The following CADPS2 variants were observed in gnomAD, a reference collection of about 807,000 sequenced individuals.
CADPS2 encodes calcium-dependent secretion activator 2.
Under a neutral mutation model 172.5 loss-of-function variants are expected in CADPS2, and 93 were observed. The ratio of observed to expected loss-of-function variants is 0.54; its 90% CI spans 0.46 to 0.64. The LOEUF is 0.64. Among genes scored for constraint, CADPS2 ranks in the 30% least tolerant of loss-of-function variants. CADPS2 has a pLI of 0.00. For missense variants in CADPS2, 1,420 were observed against 1,565.9 expected (o/e 0.91, Z 1.57); for synonymous variants, 546 against 555.2 (o/e 0.98, Z 0.23).
intron 28 of CADPS2, among the ~76,000 whole-genome samples, chr7:122,337,758 GAAAA>G (rs372572074): frequency 1.5e-5 from 2 of 134,480 alleles, no homozygotes; most frequent in African/African-American, 2.8e-5. Flanking sequence ...AAACTTTAAG[GAAAA>G]AAAAAAAAAA....
At chr7:122,424,721 G>A (rs182249567) in intron 17 of CADPS2, among the ~76,000 whole-genome samples, 32 of 152,280 alleles carry the variant, frequency 2.1e-4, no homozygotes, top group African/African-American at 7.5e-4. Context: ...CCCAATTTGA[G>A]TTTTATTAAA....
chr7:122,591,010 G>T (rs1039602388), intron 6 of CADPS2, among the ~76,000 whole-genome samples: 9 of 151,828 alleles, frequency 5.9e-5, no homozygotes, highest in African/African-American at 2.2e-4. Context: ...CATCATTGTT[G>T]TTGACATACT....
At chr7:122,441,381 G>A in intron 16 of CADPS2, 131 bp downstream of exon 16, 1 of 523,126 alleles carries the variant, frequency 1.9e-6, no homozygotes, top group East Asian at 3.2e-5. Flanking sequence ...AAGAAAAGGT[G>A]AGAAACTCAT....
intron 28 of CADPS2, among the ~76,000 whole-genome samples, chr7:122,329,851 T>C (rs978418443): frequency 2.6e-5 from 4 of 152,198 alleles, no homozygotes; most frequent in African/African-American, 7.2e-5. Flanking sequence ...ATAGGGTTTA[T>C]ATATCACGGC....
At chr7:122,477,440 C>G (rs1471470478) in intron 12 of CADPS2, among the ~76,000 whole-genome samples, 1 of 151,806 alleles carries the variant, frequency 6.6e-6, no homozygotes, top group South Asian at 2.1e-4. Flanking sequence ...TGCTTGAACC[C>G]AGGAGGCGAA....
At chr7:122,688,941 C>T (rs962814327) in intron 2 of CADPS2, among the ~76,000 whole-genome samples, 2 of 152,116 alleles carry the variant, frequency 1.3e-5, no homozygotes, top group African/African-American at 2.4e-5. Context: ...TACACACAGG[C>T]TTTATACATA....
At chr7:122,662,335 A>T (rs2080668867) in intron 3 of CADPS2, among the ~76,000 whole-genome samples, 2 of 152,054 alleles carry the variant, frequency 1.3e-5, no homozygotes, top group South Asian at 4.1e-4. Context: ...GGGTCTAAAA[A>T]ATGAAAAATG....
At chr7:122,473,344 A>T (rs148750000) in intron 13 of CADPS2, among the ~76,000 whole-genome samples, 1 of 152,122 alleles carries the variant, frequency 6.6e-6, no homozygotes, top group Non-Finnish European at 1.5e-5. Context: ...GCTGCGCCAG[A>T]GTCTCCGAGC....
intron 25 of CADPS2, among the ~76,000 whole-genome samples, chr7:122,363,662 C>A (rs1295907118): frequency 6.6e-6 from 1 of 151,786 alleles, no homozygotes; most frequent in Non-Finnish European, 1.5e-5. Flanking sequence ...GACAGCTATC[C>A]CGCCCACCTT....
chr7:122,497,984 C>T (rs1220069073), intron 9 of CADPS2, among the ~76,000 whole-genome samples: 1 of 152,110 alleles, frequency 6.6e-6, no homozygotes, highest in African/African-American at 2.4e-5. Flanking sequence ...TTTGAGACAT[C>T]TCACTTGGTG....
intron 7 of CADPS2, among the ~76,000 whole-genome samples, chr7:122,578,836 A>G (rs1446887305): frequency 6.6e-6 from 1 of 152,174 alleles, no homozygotes; most frequent in Non-Finnish European, 1.5e-5. Context: ...GCTTTGAATT[A>G]GGGTAGTGGG....
At chr7:122,880,638 C>G (rs1055789332) in intron 1 of CADPS2, among the ~76,000 whole-genome samples, 4 of 152,144 alleles carry the variant, frequency 2.6e-5, no homozygotes, top group Non-Finnish European at 5.9e-5. Context: ...TAACACTATA[C>G]CCCCTGAGAC....
intron 9 of CADPS2, among the ~76,000 whole-genome samples, chr7:122,506,605 A>C (rs2059623991): frequency 6.6e-6 from 1 of 152,168 alleles, no homozygotes; most frequent in Non-Finnish European, 1.5e-5. Flanking sequence ...TTCCTACTGC[A>C]GGGATGTTAA....
intron 1 of CADPS2, among the ~76,000 whole-genome samples, chr7:122,789,312 C>A (rs950825132): frequency 6.6e-6 from 1 of 152,168 alleles, no homozygotes; most frequent in African/African-American, 2.4e-5. Context: ...CCTATCCTAT[C>A]TCCCCCAAGG....
intron 19 of CADPS2, among the ~76,000 whole-genome samples, chr7:122,410,443 C>T (rs1428193080): frequency 7.2e-6 from 1 of 138,328 alleles, no homozygotes; most frequent in Non-Finnish European, 1.6e-5. Context: ...CTTGGAAAGC[C>T]TTTTTTTTTT....
intron 9 of CADPS2, among the ~76,000 whole-genome samples, chr7:122,504,258 G>C (rs186235599): frequency 1.2e-4 from 19 of 152,264 alleles, no homozygotes; most frequent in African/African-American, 4.1e-4. Flanking sequence ...GGAGTACCTA[G>C]CACAATGCAT....
intron 7 of CADPS2, among the ~76,000 whole-genome samples, chr7:122,572,876 G>A (rs1273149652): frequency 2.0e-5 from 3 of 152,088 alleles, no homozygotes; most frequent in African/African-American, 7.2e-5. Context: ...CTGGTGGAGG[G>A]TTGGCCATCA....
chr7:122,716,556 C>A (rs2089634469), intron 2 of CADPS2, among the ~76,000 whole-genome samples: 1 of 152,020 alleles, frequency 6.6e-6, no homozygotes, highest in South Asian at 2.1e-4. Context: ...GGAGGGATAG[C>A]ATTAGGAGAT....
At chr7:122,329,461 C>G (rs964511893) in intron 28 of CADPS2, among the ~76,000 whole-genome samples, 1 of 152,116 alleles carries the variant, frequency 6.6e-6, no homozygotes, top group Non-Finnish European at 1.5e-5. Context: ...GTCCCAGACT[C>G]GGCAATTTTC....
Sources: gnomAD v4.1 joint callset for allele counts (sites outside exome capture counted in the v4.1 genomes callset) on GRCh38, gnomAD v4.1.1 for gene constraint, MANE v1.5 for transcripts, NCBI Gene and HGNC (gene_info 2026-07-23, HGNC 2026-07-21) for gene names.